PCDH15: variants seen among roughly 807,000 people sequenced by gnomAD.
PCDH15 encodes protocadherin-15.
PCDH15 carries 129 observed loss-of-function variants against 178.5 expected under a neutral mutation model. The observed-to-expected ratio is 0.72, with a 90% CI of 0.63 to 0.84. The LOEUF (loss-of-function observed/expected upper bound fraction) is 0.84. PCDH15 is among the 40% of genes least tolerant of loss of function. PCDH15 has a pLI of 0.00. For missense variants in PCDH15, 2,230 were observed against 2,099.9 expected (o/e 1.06, Z -1.21); for synonymous variants, 800 against 732.0 (o/e 1.09, Z -1.50).
intron 3 of PCDH15, among the ~76,000 whole-genome samples, chr10:54,811,595 T>C (rs1305399570): frequency 1.3e-5 from 2 of 152,040 alleles, no homozygotes; most frequent in Non-Finnish European, 2.9e-5. Flanking sequence ...CTCAGCCTCC[T>C]GAGTCGCTGG....
intron 29 of PCDH15, among the ~76,000 whole-genome samples, chr10:53,832,925 ATGCTTTTT>A (rs965656851): frequency 1.3e-5 from 2 of 152,006 alleles, no homozygotes; most frequent in Non-Finnish European, 2.9e-5. Flanking sequence ...GGCAATTAGA[ATGCTTTTT>A]TGCTTTTTTT....
chr10:54,778,229 C>G (rs541797360), intron 1 of PCDH15, among the ~76,000 whole-genome samples: 34 of 152,136 alleles, frequency 2.2e-4, no homozygotes, highest in Non-Finnish European at 4.4e-4. Flanking sequence ...GGAATCCAGT[C>G]TCAGTGTGGA....
intron 4 of PCDH15, among the ~76,000 whole-genome samples, chr10:54,369,862 A>C (rs1039875000): frequency 6.6e-6 from 1 of 151,998 alleles, no homozygotes; most frequent in African/African-American, 2.4e-5. Context: ...AGTGAATATC[A>C]GCCCATGTTT....
At position 54,169,094 on chromosome 10, in the gene PCDH15, G is replaced by A. The variant is rs1470355093; in HGVS notation, c.1590+14350C>T. Among the ~76,000 whole-genome samples the A allele has an allele frequency of 5.3e-5, 8 of 151,908 alleles. No homozygotes were observed. The South Asian group carries it at 6.2e-4, about 12-fold the overall frequency. On this transcript the variant is annotated intron_variant, in intron 13 of 37. Coordinates refer to ENST00000644397, the MANE Select transcript of PCDH15 (RefSeq NM_001384140.1). ...CAGCCCGGGATTCCTCCTAAGCCGCGTCCCATCTGTGTGGGACCCCACTGA... is the reference window on the plus strand; with the variant it reads ...CAGCCCGGGATTCCTCCTAAGCCGCATCCCATCTGTGTGGGACCCCACTGA...
intron 3 of PCDH15, among the ~76,000 whole-genome samples, chr10:54,452,730 A>G (rs1193549291): frequency 6.6e-6 from 1 of 152,094 alleles, no homozygotes; most frequent in Non-Finnish European, 1.5e-5. Context: ...ATAGATGCAC[A>G]TAAGATATGA....
chr10:55,557,403 G>A (rs1169625625), intron 2 of PCDH15, among the ~76,000 whole-genome samples: 3 of 152,058 alleles, frequency 2.0e-5, no homozygotes, highest in Non-Finnish European at 4.4e-5. Flanking sequence ...ACCATAAACT[G>A]GATTTGGTCA....
chr10:54,762,074 A>G (rs1360673553), intron 1 of PCDH15, among the ~76,000 whole-genome samples: 1 of 152,136 alleles, frequency 6.6e-6, no homozygotes, highest in South Asian at 2.1e-4. Flanking sequence ...GAGAACTCAG[A>G]TATACTCTCC....
At chr10:53,944,215 A>G (rs1228193440) in intron 23 of PCDH15, among the ~76,000 whole-genome samples, 1 of 152,200 alleles carries the variant, frequency 6.6e-6, no homozygotes, top group East Asian at 1.9e-4. Context: ...AAAATTTTGT[A>G]TATGTTTATG....
chr10:53,939,688 C>G (rs1276275953), intron 24 of PCDH15, among the ~76,000 whole-genome samples: 1 of 151,964 alleles, frequency 6.6e-6, no homozygotes, highest in African/African-American at 2.4e-5. Flanking sequence ...CTATTTTGTA[C>G]ATTGTTCTAT....
intron 2 of PCDH15, among the ~76,000 whole-genome samples, chr10:54,658,613 A>G (rs895120244): frequency 2.6e-5 from 4 of 152,206 alleles, no homozygotes; most frequent in African/African-American, 9.6e-5. Flanking sequence ...TCACCCATAG[A>G]CTGGTCCTTC....
intron 3 of PCDH15, among the ~76,000 whole-genome samples, chr10:54,419,276 C>T (rs945486250): frequency 6.3e-5 from 9 of 142,418 alleles, no homozygotes; most frequent in African/African-American, 2.2e-4. Flanking sequence ...ACCTATATAT[C>T]AACAACTCAA....
chr10:54,068,858 CTTAAGA>C (rs1468363255), intron 17 of PCDH15, among the ~76,000 whole-genome samples: 5 of 151,378 alleles, frequency 3.3e-5, no homozygotes, highest in Admixed American at 6.6e-5. Flanking sequence ...GTTATATTTT[CTTAAGA>C]TTATTTACTT....
At chr10:54,148,135 G>A (rs2044165523) in intron 14 of PCDH15, among the ~76,000 whole-genome samples, 1 of 152,042 alleles carries the variant, frequency 6.6e-6, no homozygotes, top group African/African-American at 2.4e-5. Flanking sequence ...TAGCACAGAT[G>A]AAGCTATTAT....
intron 2 of PCDH15, among the ~76,000 whole-genome samples, chr10:55,477,447 T>A (rs931367015): frequency 1.3e-5 from 2 of 151,870 alleles, no homozygotes; most frequent in African/African-American, 2.4e-5. Flanking sequence ...AAGTGAATTA[T>A]TAGATTCTGG....
chr10:55,530,396 A>G (rs1351256818), intron 2 of PCDH15, among the ~76,000 whole-genome samples: 1 of 151,980 alleles, frequency 6.6e-6, no homozygotes, highest in Non-Finnish European at 1.5e-5. Context: ...GTATATGTGA[A>G]TGTGGCACCA....
intron 1 of PCDH15, among the ~76,000 whole-genome samples, chr10:55,228,445 A>C (rs917905127): frequency 6.6e-6 from 1 of 152,086 alleles, no homozygotes; most frequent in African/African-American, 2.4e-5. Flanking sequence ...GGACTGCTTG[A>C]CTTTTAAAAA....
chr10:55,602,490 C>G (rs1843110137), intron 2 of PCDH15, among the ~76,000 whole-genome samples: 1 of 152,140 alleles, frequency 6.6e-6, no homozygotes, highest in African/African-American at 2.4e-5. Flanking sequence ...ATGTCCCTGT[C>G]TGACAGCTTT....
intron 3 of PCDH15, among the ~76,000 whole-genome samples, chr10:54,465,076 T>C (rs2077426550): frequency 1.3e-5 from 2 of 152,136 alleles, no homozygotes; most frequent in Admixed American, 1.3e-4. Flanking sequence ...TAAAATAAAG[T>C]TTCACTTTTA....
chr10:55,501,672 T>C (rs1013890794), intron 2 of PCDH15, among the ~76,000 whole-genome samples: 1 of 151,788 alleles, frequency 6.6e-6, no homozygotes, highest in African/African-American at 2.4e-5. Flanking sequence ...AGTGCAATTA[T>C]GCCAACTATA....
Sources: allele counts gnomAD v4.1 joint callset (sites outside exome capture counted in the v4.1 genomes callset), GRCh38; gene constraint gnomAD v4.1.1; transcripts MANE v1.5; gene names NCBI Gene and HGNC (gene_info 2026-07-23, HGNC 2026-07-21).